MED12L: variants seen among roughly 807,000 people sequenced by gnomAD.
The protein encoded by MED12L is mediator complex subunit 12L.
A neutral mutation model predicts 281.3 loss-of-function variants in MED12L; 60 were observed. The ratio of observed to expected loss-of-function variants is 0.21; its 90% CI spans 0.17 to 0.26. The LOEUF is 0.26. Ranked by LOEUF, MED12L falls within the 10% of genes least tolerant of loss-of-function variation. MED12L has a pLI of 1.00. For synonymous variants in MED12L, 974 were observed against 987.2 expected (o/e 0.99, Z 0.25); for missense variants, 2,146 against 2,680.9 (o/e 0.80, Z 4.41).
intron 11 of MED12L, among the ~76,000 whole-genome samples, chr3:151,177,744 C>A (rs115028701): frequency 6.6e-6 from 1 of 152,168 alleles, no homozygotes; most frequent in African/African-American, 2.4e-5. Flanking sequence ...TGTTCCTGCT[C>A]GGCTTCCCAA....
intron 41 of MED12L, 94 bp from the exon 42 acceptor site, chr3:151,413,045 G>T: frequency 7.1e-7 from 1 of 1,407,314 alleles, no homozygotes; most frequent in Non-Finnish European, 9.7e-7. Flanking sequence ...AGCACTGATT[G>T]TTTCTTGGTT....
intron 16 of MED12L, among the ~76,000 whole-genome samples, chr3:151,314,188 C>T (rs142733874): frequency 2.6e-5 from 4 of 152,294 alleles, no homozygotes; most frequent in Non-Finnish European, 5.9e-5. Flanking sequence ...CTAAATGGAA[C>T]TTAATCAGTG....
chr3:151,124,310 ATTC>A (rs1354960323), intron 4 of MED12L, among the ~76,000 whole-genome samples: 8 of 152,176 alleles, frequency 5.3e-5, no homozygotes, highest in African/African-American at 1.7e-4. Context: ...GTTAGCCATT[ATTC>A]TTCTTTCTTT....
At chr3:151,234,831 A>G (rs1448353515) in intron 16 of MED12L, among the ~76,000 whole-genome samples, 1 of 152,174 alleles carries the variant, frequency 6.6e-6, no homozygotes, top group Non-Finnish European at 1.5e-5. Flanking sequence ...CAAGTTCCTT[A>G]GTCAGGGGTC....
Position 151,185,270 on chromosome 3 carries a change from C to T in MED12L, c.1495-60C>T, listed in dbSNP as rs1053704382. The T allele has an allele frequency of 9.6e-6, 15 of 1,558,156 alleles. No individual in the cohort carries two copies. In the East Asian group the frequency reaches 2.7e-4, roughly 29 times the overall value. Reference sequence around the variant, plus strand: ...TAGATATTCCCTTGCTTGCTTCCTGCCTCTTGCTGGGTGAATGTTTCATTT... The same window carrying T: ...TAGATATTCCCTTGCTTGCTTCCTGTCTCTTGCTGGGTGAATGTTTCATTT... On this transcript the variant is annotated intron_variant, in intron 11 of 44. Transcript: ENST00000687756.
intron 2 of MED12L, among the ~76,000 whole-genome samples, chr3:151,104,390 A>G (rs904659662): frequency 6.6e-6 from 1 of 152,152 alleles, no homozygotes; most frequent in Non-Finnish European, 1.5e-5. Flanking sequence ...GCCTCCTTTA[A>G]AAAACTTCTC....
intron 25 of MED12L, among the ~76,000 whole-genome samples, chr3:151,369,207 T>C (rs540722436): frequency 1.4e-4 from 21 of 152,336 alleles, no homozygotes; most frequent in Middle Eastern, 3.4e-3. Context: ...ACTAATCTTG[T>C]TGATGTAGCT....
At chr3:151,183,454 G>A (rs576883652) in intron 11 of MED12L, among the ~76,000 whole-genome samples, 5 of 152,338 alleles carry the variant, frequency 3.3e-5, no homozygotes, top group South Asian at 2.1e-4. Flanking sequence ...TTTCAGAATC[G>A]TGTGTGCTGT....
Position 151,166,865 on chromosome 3 carries a change from T to A in MED12L, c.1494+883T>A, listed in dbSNP as rs1576872632. Among the ~76,000 whole-genome samples the A allele has an allele frequency of 2.0e-5, 3 of 152,076 alleles. 1 individual carries two copies. Among genetic ancestry groups the A allele is most frequent in the Middle Eastern group, 6.8e-3 (2 of 294 alleles). On this transcript the variant is annotated intron_variant, in intron 11 of 44. Coordinates refer to ENST00000687756, the MANE Select transcript of MED12L (RefSeq NM_001393769.1). ...TAATTTTTTGTATTTTTAGTAGAGA[T>A]GGGGTTTCACCATGTTGGCCATGCT... is the stretch of plus-strand genomic sequence containing the variant.
At chr3:151,383,362 A>G (rs1038638015) in intron 33 of MED12L, among the ~76,000 whole-genome samples, 4 of 152,206 alleles carry the variant, frequency 2.6e-5, no homozygotes, top group Admixed American at 2.6e-4. Context: ...GGATGTTTCC[A>G]TATGGTATTA....
intron 19 of MED12L, among the ~76,000 whole-genome samples, 197 bp downstream of exon 19, chr3:151,356,236 C>CA (rs1442100703): frequency 6.6e-6 from 1 of 151,756 alleles, no homozygotes; most frequent in Non-Finnish European, 1.5e-5. Flanking sequence ...CCCATCTCCA[C>CA]AAAAAATTTA....
At position 151,436,575 on chromosome 3, in the gene MED12L, AAATTT is replaced by A. The variant is rs1720249707; in HGVS notation, c.*3775_*3779del. ...TCCTTTTATTTTGCATGTTCATTGT[AAATTT>A]AATACTGTAAATGTATTCAAATTCA... On this transcript the variant is annotated 3_prime_UTR_variant, in exon 45 of 45. Transcript: ENST00000687756. The A allele has an allele frequency of 1.4e-6, 1 of 693,688 alleles. No individual in the cohort carries two copies. The highest frequency in any genetic ancestry group is 2.1e-5 in the South Asian group (1 of 47,468). 43.0% of individuals were successfully genotyped at this position (693,688 alleles called of 1,614,324 possible). A position where few individuals can be genotyped will look rare whatever the true frequency, so the allele number is the denominator to read the frequency against.
chr3:151,417,487 C>CCTTTTT (rs1717736742), intron 43 of MED12L, among the ~76,000 whole-genome samples: 6 of 78,818 alleles, frequency 7.6e-5, no homozygotes, highest in Admixed American at 1.7e-4. Flanking sequence ...CCCCCCCCGC[C>CCTTTTT]TTTTTTTTTT....
At chr3:151,221,076 A>C (rs1246909080) in intron 16 of MED12L, among the ~76,000 whole-genome samples, 1 of 152,170 alleles carries the variant, frequency 6.6e-6, no homozygotes, top group Admixed American at 6.6e-5. Context: ...ATGGAGCAAA[A>C]GTGATTCTTG....
rs1216618018 is a variant in MED12L at position 151,383,853 on chromosome 3, C to A, written c.4755C>A (p.Ile1585=). Residue 1585 remains isoleucine (I), a synonymous_variant, in exon 34 of 45, where the codon ATC becomes ATA. Coordinates refer to ENST00000687756, the MANE Select transcript of MED12L (RefSeq NM_001393769.1). ...ACTGGGCCCTGCTACTCCTTCAGATCATTACTTCAGGAACTGTTGACATGC... is the reference window on the plus strand; with the variant it reads ...ACTGGGCCCTGCTACTCCTTCAGATAATTACTTCAGGAACTGTTGACATGC... ...TTDWALLLLQ[I]ITSGTVDMHT... is the part of the protein sequence containing the mutation. 2 of 1,613,904 alleles carry A rather than the reference C, an allele frequency of 1.2e-6. No homozygotes were observed. The highest frequency in any genetic ancestry group is 1.7e-6 in the Non-Finnish European group (2 of 1,179,848).
At chr3:151,362,519 G>T (rs918777781) in intron 21 of MED12L, among the ~76,000 whole-genome samples, 1 of 151,918 alleles carries the variant, frequency 6.6e-6, no homozygotes, top group African/African-American at 2.4e-5. Flanking sequence ...CTGTCTCCCT[G>T]AGCACACCAT....
intron 39 of MED12L, among the ~76,000 whole-genome samples, chr3:151,396,600 C>T (rs111632964): frequency 6.6e-6 from 1 of 151,986 alleles, no homozygotes; most frequent in African/African-American, 2.4e-5. Flanking sequence ...CACTCCAGCC[C>T]GGTCAACAGA....
intron 5 of MED12L, among the ~76,000 whole-genome samples, chr3:151,135,778 A>G (rs902568314): frequency 3.9e-5 from 6 of 152,226 alleles, no homozygotes; most frequent in Non-Finnish European, 5.9e-5. Flanking sequence ...CTGAGGAGTC[A>G]GAACTCTTGT....
intron 22 of MED12L, 133 bp from the exon 23 acceptor site, chr3:151,365,717 T>C: frequency 1.3e-6 from 1 of 778,554 alleles, no homozygotes; most frequent in Non-Finnish European, 2.0e-6. Flanking sequence ...ATTTGACAAA[T>C]GAGTATTTTA....
Sources: gnomAD v4.1 joint callset for allele counts (sites outside exome capture counted in the v4.1 genomes callset) on GRCh38, gnomAD v4.1.1 for gene constraint, MANE v1.5 for transcripts, NCBI Gene and HGNC (gene_info 2026-07-23, HGNC 2026-07-21) for gene names.